ARMC3: variants seen among roughly 807,000 people sequenced by gnomAD.
The protein encoded by ARMC3 is armadillo repeat-containing protein 3.
ARMC3 carries 74 observed loss-of-function variants against 90.3 expected under a neutral mutation model. The observed-to-expected ratio is 0.82, with a 90% CI of 0.68 to 0.99. The LOEUF (loss-of-function observed/expected upper bound fraction) is 0.99. ARMC3 is among the 50% of genes least tolerant of loss of function. The pLI is 0.00. For synonymous variants in ARMC3, 334 were observed against 361.8 expected, an observed-to-expected ratio of 0.92 and a Z score of 0.87; for missense variants, 958 against 1,042.8, an observed-to-expected ratio of 0.92 and a Z score of 1.12.
chr10:22,976,985 G>A (rs16922855), intron 8 of ARMC3, among the ~76,000 whole-genome samples: 8,546 of 152,234 alleles, frequency 0.056, 467 homozygotes, highest in African/African-American at 0.15. Context: ...TTTTACACAA[G>A]CACATGGCCA....
At chr10:23,033,144 T>C in intron 18 of ARMC3, 121 bp downstream of exon 18, 4 of 907,914 alleles carry the variant, frequency 4.4e-6, no homozygotes, top group Non-Finnish European at 6.6e-6. Context: ...TAGATTTATT[T>C]ATATCTACAT....
At chr10:22,950,406 A>G (rs1165688104) in intron 3 of ARMC3, among the ~76,000 whole-genome samples, 1 of 152,162 alleles carries the variant, frequency 6.6e-6, no homozygotes, top group Non-Finnish European at 1.5e-5. Context: ...GCATAATACC[A>G]CTTCAAAGTA....
intron 6 of ARMC3, 187 bp from the exon 7 acceptor site, chr10:22,961,697 C>G: frequency 1.8e-6 from 1 of 549,944 alleles, no homozygotes; most frequent in African/African-American, 1.9e-5. Context: ...CTACATATTA[C>G]AGTTAAAATA....
chr10:23,007,919 C>T (rs1837705300), intron 14 of ARMC3, among the ~76,000 whole-genome samples: 1 of 152,044 alleles, frequency 6.6e-6, no homozygotes, highest in South Asian at 2.1e-4. Flanking sequence ...GCTTGGGCAA[C>T]ACGGTGAAAC....
intron 10 of ARMC3, among the ~76,000 whole-genome samples, chr10:22,996,123 A>G (rs1388135925): frequency 1.3e-5 from 2 of 152,230 alleles, no homozygotes; most frequent in East Asian, 3.8e-4. Flanking sequence ...GAGGTTAAGT[A>G]TATATTATTA....
At chr10:22,954,269 G>A (rs1183606428) in intron 3 of ARMC3, among the ~76,000 whole-genome samples, 3 of 151,990 alleles carry the variant, frequency 2.0e-5, no homozygotes, top group African/African-American at 4.8e-5. Context: ...CCTTACTTCT[G>A]TATCAGACAT....
At chr10:22,931,052 T>C (rs1287465693) in intron 1 of ARMC3, among the ~76,000 whole-genome samples, 2 of 152,116 alleles carry the variant, frequency 1.3e-5, no homozygotes, top group Non-Finnish European at 2.9e-5. Context: ...CTCAGCCTCC[T>C]GAGTAGCTGG....
intron 18 of ARMC3, among the ~76,000 whole-genome samples, chr10:23,034,557 C>T (rs1056606058): frequency 5.3e-5 from 8 of 152,218 alleles, no homozygotes; most frequent in Non-Finnish European, 5.9e-5. Context: ...CACACTGCTT[C>T]TACCCATATA....
chr10:22,938,947 A>G (rs907214111), intron 2 of ARMC3, among the ~76,000 whole-genome samples: 3 of 152,234 alleles, frequency 2.0e-5, no homozygotes, highest in Admixed American at 6.5e-5. Flanking sequence ...TTTTCTTTAG[A>G]AATGAAATAA....
Position 22,955,807 on chromosome 10 carries a change from G to T in ARMC3, c.167G>T (p.Gly56Val). 1 of 1,613,862 alleles carries T rather than the reference G, an allele frequency of 6.2e-7. No homozygotes were observed. The highest frequency in any genetic ancestry group is 1.1e-5 in the South Asian group (1 of 91,060). ...GGTTTTGTTTTACGTGTGATGTCAGGTGAGGAAAATAAAACAACCCTCCTT... is the reference window on the plus strand; with the variant it reads ...GGTTTTGTTTTACGTGTGATGTCAGTTGAGGAAAATAAAACAACCCTCCTT... ...CEAIYKFALK[G>V]EENKTTLLEL... Residue 56 changes from glycine to valine, a missense_variant and splice_region_variant, in exon 4 of 19, where the codon GGT becomes GTT. Coordinates refer to ENST00000298032, the MANE Select transcript of ARMC3 (RefSeq NM_173081.5).
intron 10 of ARMC3, among the ~76,000 whole-genome samples, chr10:22,989,490 G>A (rs1430916162): frequency 6.9e-6 from 1 of 144,482 alleles, no homozygotes. Flanking sequence ...AATAGATTTT[G>A]TTTTACATTC....
chr10:22,930,180 C>T (rs1251170899), intron 1 of ARMC3, among the ~76,000 whole-genome samples: 1 of 151,594 alleles, frequency 6.6e-6, no homozygotes, highest in Non-Finnish European at 1.5e-5. Flanking sequence ...CTCATTTGCC[C>T]AGAATAGTTT....
At chr10:23,025,535 C>T (rs989648914) in intron 16 of ARMC3, among the ~76,000 whole-genome samples, 9 of 151,806 alleles carry the variant, frequency 5.9e-5, no homozygotes, top group South Asian at 2.1e-4. Context: ...AAATTAAGAA[C>T]GTAGGACTGA....
chr10:22,976,816 A>C (rs1429100424), intron 8 of ARMC3, among the ~76,000 whole-genome samples: 2 of 152,204 alleles, frequency 1.3e-5, no homozygotes, highest in Non-Finnish European at 2.9e-5. Context: ...ATCTGAACAA[A>C]GAGTAACCTT....
chr10:22,958,692 C>T (rs1180399596), intron 4 of ARMC3, among the ~76,000 whole-genome samples: 2 of 152,124 alleles, frequency 1.3e-5, no homozygotes, highest in African/African-American at 4.8e-5. Flanking sequence ...TTACCTGTCT[C>T]ATAAGGGACT....
At chr10:23,017,721 G>A (rs148540362) in intron 16 of ARMC3, among the ~76,000 whole-genome samples, 7 of 152,328 alleles carry the variant, frequency 4.6e-5, no homozygotes, top group African/African-American at 1.7e-4. Context: ...AGCCAAGATC[G>A]CACTACTGCA....
intron 10 of ARMC3, among the ~76,000 whole-genome samples, chr10:22,984,257 T>C (rs1836313328): frequency 6.6e-6 from 1 of 152,208 alleles, no homozygotes. Flanking sequence ...ACTCAGGGCA[T>C]CTTCTGGAAT....
Position 22,965,845 on chromosome 10 carries a change from C to A in ARMC3, c.733-2461C>A, listed in dbSNP as rs1420635527. ...TTGTACTTTTCAAGTCTTAAATTTC[C>A]ATGTTTGAAGTTTCATTTCTCTATT... On this transcript the variant is annotated intron_variant, in intron 7 of 18. Transcript: ENST00000298032. Among the ~76,000 whole-genome samples, 7 of 152,196 alleles carry A rather than the reference C, an allele frequency of 4.6e-5. No individual in the cohort carries two copies. The South Asian group carries it at 1.0e-3, about 23-fold the overall frequency.
intron 10 of ARMC3, among the ~76,000 whole-genome samples, 177 bp from the exon 11 acceptor site, chr10:22,997,971 A>T (rs1837074668): frequency 6.6e-6 from 1 of 152,198 alleles, no homozygotes; most frequent in Admixed American, 6.5e-5. Context: ...ATAGCTCAAA[A>T]TTTCCCAGAC....
Sources: allele counts gnomAD v4.1 joint callset (sites outside exome capture counted in the v4.1 genomes callset), GRCh38; gene constraint gnomAD v4.1.1; transcripts MANE v1.5; gene names NCBI Gene and HGNC (gene_info 2026-07-23, HGNC 2026-07-21).